MBD3L1: variants seen among roughly 807,000 people sequenced by gnomAD.
MBD3L1 encodes methyl-CpG-binding domain protein 3-like 1.
For missense variants in MBD3L1, 203 were observed against 230.1 expected (o/e 0.88, Z 0.76); for synonymous variants, 84 against 85.1 (o/e 0.99, Z 0.07).
intron 1 of MBD3L1, among the ~76,000 whole-genome samples, chr19:8,838,164 C>A (rs1454770774): frequency 6.8e-6 from 1 of 146,682 alleles, no homozygotes; most frequent in Non-Finnish European, 1.5e-5. Context: ...AGGAGAATCG[C>A]TTGAACCCAG....
intron 1 of MBD3L1, among the ~76,000 whole-genome samples, chr19:8,834,349 C>G (rs1035542583): frequency 6.6e-6 from 1 of 152,122 alleles, no homozygotes; most frequent in African/African-American, 2.4e-5. Flanking sequence ...GTGGCTCACG[C>G]CTGTAACCCC....
chr19:8,839,076 C>A (rs2044483825), intron 1 of MBD3L1, among the ~76,000 whole-genome samples: 1 of 152,098 alleles, frequency 6.6e-6, no homozygotes, highest in Admixed American at 6.6e-5. Flanking sequence ...GTAATGAGTT[C>A]CAGAAATCCA....
intron 1 of MBD3L1, among the ~76,000 whole-genome samples, chr19:8,834,244 A>G (rs1162995138): frequency 6.6e-6 from 1 of 152,234 alleles, no homozygotes; most frequent in Non-Finnish European, 1.5e-5. Flanking sequence ...TCAATATACT[A>G]GGAAAGTTCA....
intron 2 of MBD3L1, among the ~76,000 whole-genome samples, chr19:8,842,198 C>T (rs1408978919): frequency 6.6e-6 from 1 of 151,708 alleles, no homozygotes; most frequent in African/African-American, 2.4e-5. Context: ...TGGTGATGCA[C>T]GCCTGTAGTC....
chr19:8,834,904 A>T (rs1376901607), intron 1 of MBD3L1, among the ~76,000 whole-genome samples: 3 of 152,230 alleles, frequency 2.0e-5, no homozygotes, highest in Non-Finnish European at 4.4e-5. Flanking sequence ...TTGATGCTTC[A>T]AAGGACACCA....
At chr19:8,839,860 G>C (rs747131502) in intron 1 of MBD3L1, among the ~76,000 whole-genome samples, 4 of 152,038 alleles carry the variant, frequency 2.6e-5, no homozygotes, top group Admixed American at 6.6e-5. Flanking sequence ...GGAGAAACTT[G>C]AACATGTTTA....
At chr19:8,837,934 G>A (rs186801310) in intron 1 of MBD3L1, among the ~76,000 whole-genome samples, 7 of 152,110 alleles carry the variant, frequency 4.6e-5, no homozygotes, top group Non-Finnish European at 1.0e-4. Context: ...GAGACAGCAA[G>A]GCTGAAATTC....
chr19:8,833,779 A>G (rs982166902), intron 1 of MBD3L1, among the ~76,000 whole-genome samples: 5 of 152,180 alleles, frequency 3.3e-5, no homozygotes, highest in African/African-American at 4.8e-5. Flanking sequence ...ACCTGAGGTC[A>G]GGAGTTCGAG....
rs1281403107 is a variant in MBD3L1, at chr19:8,842,718, A to C, written c.40A>C (p.Asn14His). 6.2e-7 allele frequency: 1 copy of C among 1,614,204 alleles called. No homozygotes were observed. The highest frequency in any genetic ancestry group is 8.5e-7 in the Non-Finnish European group (1 of 1,180,040). ...ACAGAGGAAGCAACGTGACTGTGTA[A>C]ACCAATGCAAATCAAAGCCTGGCTT... ...SSQRKQRDCVNQCKSKPGLST... is the reference protein window; with the variant it reads ...SSQRKQRDCVHQCKSKPGLST... Residue 14 changes from asparagine (N) to histidine (H), a missense_variant, in exon 3 of 3, where the codon AAC becomes CAC. Coordinates refer to ENST00000595891, the MANE Select transcript of MBD3L1 (RefSeq NM_001393532.1).
chr19:8,838,751 G>A (rs1456442048), intron 1 of MBD3L1, among the ~76,000 whole-genome samples: 4 of 152,200 alleles, frequency 2.6e-5, no homozygotes, highest in Admixed American at 2.0e-4. Flanking sequence ...GAGAAGATAT[G>A]AAGATAGGTT....
At chr19:8,836,688 C>T (rs940634683) in intron 1 of MBD3L1, among the ~76,000 whole-genome samples, 2 of 152,072 alleles carry the variant, frequency 1.3e-5, no homozygotes, top group Non-Finnish European at 2.9e-5. Context: ...GACAGGGACT[C>T]GCCACACCAC....
At chr19:8,838,532 A>G (rs1172594021) in intron 1 of MBD3L1, among the ~76,000 whole-genome samples, 1 of 152,202 alleles carries the variant, frequency 6.6e-6, no homozygotes, top group Non-Finnish European at 1.5e-5. Flanking sequence ...GATAAGCACC[A>G]ATATAGCACC....
At chr19:8,833,092 T>A (rs1440285414) in intron 1 of MBD3L1, 1 of 152,576 alleles carries the variant, frequency 6.6e-6, no homozygotes, top group Non-Finnish European at 1.5e-5. Context: ...GGGGCAGGGA[T>A]CTGGGTATGA....
chr19:8,838,277 A>AAAAAAAAAAAAAAAAAAT (rs1206431073), intron 1 of MBD3L1, among the ~76,000 whole-genome samples: 2 of 147,546 alleles, frequency 1.4e-5, no homozygotes, highest in Non-Finnish European at 3.0e-5. Flanking sequence ...AAAAAAAAAA[A>AAAAAAAAAAAAAAAAAAT]AAAAAAGATC....
At chr19:8,835,939 TTAAA>T (rs1377938917) in intron 1 of MBD3L1, among the ~76,000 whole-genome samples, 1 of 152,204 alleles carries the variant, frequency 6.6e-6, no homozygotes, top group East Asian at 1.9e-4. Context: ...ATAATTCAAT[TTAAA>T]TAAAATTTCC....
chr19:8,836,276 T>G (rs758056298), intron 1 of MBD3L1, among the ~76,000 whole-genome samples: 2 of 152,150 alleles, frequency 1.3e-5, no homozygotes, highest in Non-Finnish European at 2.9e-5. Context: ...TGAGTGCTTC[T>G]TCCTCAAAAT....
chr19:8,838,975 G>C (rs972828066), intron 1 of MBD3L1, among the ~76,000 whole-genome samples: 3 of 152,080 alleles, frequency 2.0e-5, no homozygotes, highest in African/African-American at 7.2e-5. Flanking sequence ...CAGAACAATT[G>C]TTCTCCCCCA....
chr19:8,840,036 T>G lies in MBD3L1; in HGVS notation c.-106-879T>G, dbSNP rs1238767675. The stretch of plus-strand genomic sequence containing the variant: ...ATCGCTACTAAAAATACCAAAAAAT[T>G]AGCTGGACATAGAGGTATGTGCCTG... On this transcript the variant is annotated intron_variant, in intron 1 of 2. Transcript: ENST00000595891. Among the ~76,000 whole-genome samples the G allele has an allele frequency of 2.0e-5, 3 of 151,808 alleles. No homozygotes were observed. In the East Asian group the frequency reaches 5.8e-4, roughly 29 times the overall value.
At chr19:8,842,097 G>T (rs574866959) in intron 2 of MBD3L1, among the ~76,000 whole-genome samples, 5 of 151,930 alleles carry the variant, frequency 3.3e-5, no homozygotes, top group African/African-American at 9.7e-5. Flanking sequence ...GGAGGTCGAG[G>T]GGGGGTGGAT....
Sources: allele counts gnomAD v4.1 joint callset (sites outside exome capture counted in the v4.1 genomes callset), GRCh38; gene constraint gnomAD v4.1.1; transcripts MANE v1.5; gene names NCBI Gene and HGNC (gene_info 2026-07-23, HGNC 2026-07-21).